The following CLK1 variants were observed in gnomAD, a reference collection of about 807,000 sequenced individuals.
The protein encoded by CLK1 is CDC like kinase 1, also known as dual specificity protein kinase CLK1.
In CLK1, 40 loss-of-function variants were observed where a neutral mutation model predicts 60.9. The ratio of observed to expected loss-of-function variants is 0.66; its 90% CI spans 0.51 to 0.86. The LOEUF is 0.86. Among genes scored for constraint, CLK1 ranks in the 40% least tolerant of loss-of-function variants. The pLI is 0.00. For missense variants in CLK1, 563 were observed against 606.1 expected (o/e 0.93, Z 0.75); for synonymous variants, 203 against 184.4 (o/e 1.10, Z -0.82).
chr2:200,854,469 G>A (rs756434027), intron 11 of CLK1, 147 bp downstream of exon 11: 1 of 548,850 alleles, frequency 1.8e-6, no homozygotes, highest in Non-Finnish European at 3.2e-6. Context: ...CCAGGAGGGA[G>A]AGCTTGCATT....
rs1330339735 is a variant in CLK1 at position 200,861,689 on chromosome 2, G to C, written c.161+13C>G. The C allele has an allele frequency of 6.2e-7, 1 of 1,613,020 alleles. No homozygotes were observed. Among genetic ancestry groups the C allele is most frequent in the Non-Finnish European group, 8.5e-7 (1 of 1,179,558 alleles). On this transcript the variant is annotated intron_variant, in intron 2 of 12. Transcript: ENST00000321356. The stretch of plus-strand genomic sequence containing the variant: ...GTATTGTTATATTCAGACATTTTAA[G>C]TATCCTCCTTACCTATCACACATTT...
rs2039101204 is a variant in CLK1 at position 200,859,582 on chromosome 2, G to C, written c.548+98C>G. 2.0e-5 allele frequency: 17 copies of C among 857,090 alleles called. No homozygotes were observed. The East Asian group carries it at 4.3e-4, about 21-fold the overall frequency. The allele number at this position is 857,090 out of a possible 1,614,324, so 53.1% of individuals were successfully genotyped here. ...ACATCCAAGTAAAAAAGGGTATAAA[G>C]ATATGTATCTAACTCATGGTCAGAC... is the stretch of plus-strand genomic sequence containing the variant. On this transcript the variant is annotated intron_variant, in intron 5 of 12. Transcript: ENST00000321356.
At chr2:200,855,485 C>G (rs1438177082) in intron 9 of CLK1, among the ~76,000 whole-genome samples, 1 of 152,072 alleles carries the variant, frequency 6.6e-6, no homozygotes, top group Non-Finnish European at 1.5e-5. Flanking sequence ...ATTAGCCAGG[C>G]ATGGTGGCAG....
chr2:200,860,332 G>A (rs913609934), intron 3 of CLK1, 117 bp from the exon 4 acceptor site: 19 of 1,530,680 alleles, frequency 1.2e-5, no homozygotes, highest in Middle Eastern at 1.8e-4. Flanking sequence ...TCAGATACAC[G>A]CCAGGCCACA....
rs767187789 is a variant in CLK1 at position 200,859,666 on chromosome 2, C to A, written c.548+14G>T. 21 of 1,608,342 alleles carry A rather than the reference C, an allele frequency of 1.3e-5. No homozygotes were observed. The highest frequency in any genetic ancestry group is 1.8e-5 in the Non-Finnish European group (21 of 1,176,744). Reference sequence around the variant, plus strand: ...CCAACTTCCCTAAAAGTAATCCCAACATGGGAAACTTACGCTTTATGATCG... The same window carrying A: ...CCAACTTCCCTAAAAGTAATCCCAAAATGGGAAACTTACGCTTTATGATCG... On this transcript the variant is annotated intron_variant, in intron 5 of 12. Transcript: ENST00000321356.
chr2:200,855,993 A>G (rs1434800250), intron 9 of CLK1, among the ~76,000 whole-genome samples: 1 of 151,340 alleles, frequency 6.6e-6, no homozygotes, highest in Non-Finnish European at 1.5e-5. Context: ...TGGGCGACAG[A>G]GTAAGTCTCC....
intron 1 of CLK1, 130 bp downstream of exon 1, chr2:200,864,434 G>A: frequency 3.2e-6 from 2 of 617,706 alleles, no homozygotes; most frequent in South Asian, 2.6e-5. Context: ...GCCTGGGAGT[G>A]AAGGGAGCAG....
intron 1 of CLK1, among the ~76,000 whole-genome samples, chr2:200,862,459 C>T (rs189078134): frequency 6.6e-6 from 1 of 152,028 alleles, no homozygotes; most frequent in Non-Finnish European, 1.5e-5. Flanking sequence ...TAATTCTCCC[C>T]GCCCTTGAGA....
chr2:200,854,363 G>A (rs1004338546), intron 11 of CLK1, among the ~76,000 whole-genome samples: 5 of 151,876 alleles, frequency 3.3e-5, no homozygotes, highest in African/African-American at 1.2e-4. Context: ...GTGAAACCTT[G>A]TCTCTACTAA....
At chr2:200,858,322 C>T (rs1421331369) in intron 5 of CLK1, among the ~76,000 whole-genome samples, 3 of 152,206 alleles carry the variant, frequency 2.0e-5, no homozygotes, top group Non-Finnish European at 4.4e-5. Flanking sequence ...CTATATGGTA[C>T]CTGTCACTGT....
rs1400285049 is a variant in CLK1 at position 200,853,420 on chromosome 2, A to G, written c.1341T>C (p.His447=). The change falls in exon 13 of 13, where the codon CAT becomes CAC. Residue 447 remains histidine, a synonymous_variant. Coordinates refer to ENST00000321356, the MANE Select transcript of CLK1 (RefSeq NM_004071.4). The part of the protein sequence containing the change: ...KEFMLSQDVE[H]ERLFDLIQKM... Reference sequence around the variant, plus strand: ...TCTGAATGAGGTCAAAGAGACGCTCATGTTCAACATCTTGAGAAAGCATAA... The same window carrying G: ...TCTGAATGAGGTCAAAGAGACGCTCGTGTTCAACATCTTGAGAAAGCATAA... 25 of 1,602,220 alleles carry G rather than the reference A, an allele frequency of 1.6e-5. No homozygotes were observed. The highest frequency in any genetic ancestry group is 2.2e-5 in the East Asian group (1 of 44,842).
chr2:200,864,319 C>T, intron 1 of CLK1: 6 of 1,431,544 alleles, frequency 4.2e-6, no homozygotes, highest in East Asian at 2.6e-5. Context: ...GCAGAAGCTC[C>T]AAGAGGGCGG....
chr2:200,861,060 A>T (rs543732638), intron 3 of CLK1, 178 bp downstream of exon 3: 1 of 1,415,684 alleles, frequency 7.1e-7, no homozygotes, highest in African/African-American at 1.4e-5. Context: ...TATAGAACTA[A>T]ATGTGTACTT....
chr2:200,853,679 GAAAA>G (rs34449560), intron 12 of CLK1, among the ~76,000 whole-genome samples: 5,421 of 48,976 alleles, frequency 0.11, 173 homozygotes, highest in South Asian at 0.18. Flanking sequence ...GTCTTTACTT[GAAAA>G]AAAAAAAAAA....
intron 4 of CLK1, 126 bp downstream of exon 4, chr2:200,859,999 G>A (rs1008126610): frequency 2.8e-6 from 4 of 1,444,858 alleles, no homozygotes; most frequent in Admixed American, 5.6e-5. Context: ...CCCACCAAAA[G>A]AAATGGAAAA....
At chr2:200,860,803 G>A in intron 3 of CLK1, 4 of 1,027,154 alleles carry the variant, frequency 3.9e-6, no homozygotes, top group Non-Finnish European at 1.2e-6. Context: ...GGTTTGCTTA[G>A]TGAAAGAAGG....
Position 200,856,663 on chromosome 2 carries a change from A to G in CLK1, c.1057+19T>C. 3 of 1,544,702 alleles carry G rather than the reference A, an allele frequency of 1.9e-6. No homozygotes were observed. Among genetic ancestry groups the G allele is most frequent in the Non-Finnish European group, 2.6e-6 (3 of 1,148,430 alleles). On this transcript the variant is annotated intron_variant, in intron 9 of 12. Transcript: ENST00000321356. ...CAATAAGGAAATACAAAGGTTCTCA[A>G]AGGACAATTAATACTCACCTAAAAT...
In CLK1 at chr2:200,861,824, A is replaced by T; in HGVS notation, c.39T>A (p.Asp13Glu). 1 of 1,614,028 alleles carries T rather than the reference A, an allele frequency of 6.2e-7. No homozygotes were observed. Among genetic ancestry groups the T allele is most frequent in the Non-Finnish European group, 8.5e-7 (1 of 1,179,982 alleles). The change falls in exon 2 of 13, where the codon GAT (aspartate) becomes GAA (glutamate). Residue 13 changes from aspartate (D) to glutamate (E), a missense_variant. Around this residue, in one of 3 missense-constraint regions of CLK1, gnomAD observed 198 missense variants for 179.2 expected, o/e 1.10. Transcript: ENST00000321356. Reference protein sequence around the residue: ...HSKRTYCPDWDDKDWDYGKWR... With the variant: ...HSKRTYCPDWEDKDWDYGKWR... ...ATTTTCCATAATCCCAATCCTTGTCATCCCAATCAGGACAGTAAGTTCTCT... is the reference window on the plus strand; with the variant it reads ...ATTTTCCATAATCCCAATCCTTGTCTTCCCAATCAGGACAGTAAGTTCTCT...
intron 4 of CLK1, 100 bp downstream of exon 4, chr2:200,860,022 CAAA>C: frequency 2.0e-6 from 3 of 1,493,238 alleles, no homozygotes; most frequent in Non-Finnish European, 2.7e-6. Flanking sequence ...AAAACAAAAA[CAAA>C]AAAGAGAAAG....
Sources: gnomAD v4.1 joint callset for allele counts (sites outside exome capture counted in the v4.1 genomes callset) on GRCh38, gnomAD v4.1.1 for gene constraint, gnomAD v4.1.1 regional missense constraint, MANE v1.5 for transcripts, NCBI Gene and HGNC (gene_info 2026-07-23, HGNC 2026-07-21) for gene names.